MEI4: variants seen among roughly 807,000 people sequenced by gnomAD.
The protein encoded by MEI4 is meiosis-specific protein MEI4.
A neutral mutation model predicts 31.4 loss-of-function variants in MEI4; 27 were observed. The observed-to-expected ratio is 0.86, with a 90% CI of 0.63 to 1.19. The LOEUF (loss-of-function observed/expected upper bound fraction) is 1.19, where lower values mean the gene tolerates loss of function less well. Ranked by LOEUF, MEI4 falls within the 50% of genes most tolerant of loss-of-function variation. The pLI, the probability that MEI4 is intolerant of heterozygous loss-of-function variation, is 0.00. For missense variants in MEI4, 329 were observed against 398.9 expected (o/e 0.82, Z 1.49); for synonymous variants, 122 against 145.4 (o/e 0.84, Z 1.16).
At chr6:77,841,333 ATTTTTT>A (rs1239589008) in intron 4 of MEI4, among the ~76,000 whole-genome samples, 4 of 27,748 alleles carry the variant, frequency 1.4e-4, no homozygotes, top group Non-Finnish European at 2.1e-4. Context: ...ATATATATAT[ATTTTTT>A]TTTTTTTTTT....
At chr6:77,736,294 G>T (rs181187049) in intron 2 of MEI4, among the ~76,000 whole-genome samples, 8 of 152,088 alleles carry the variant, frequency 5.3e-5, no homozygotes, top group Admixed American at 4.6e-4. Flanking sequence ...AAGACTCCGT[G>T]GGCGTATTAC....
chr6:77,895,540 T>C (rs745387171), intron 4 of MEI4, among the ~76,000 whole-genome samples: 4 of 152,196 alleles, frequency 2.6e-5, no homozygotes, highest in Non-Finnish European at 2.9e-5. Flanking sequence ...ATGGTTCAGC[T>C]CATTTCCTGC....
At chr6:77,786,562 T>G (rs1165196775) in intron 3 of MEI4, among the ~76,000 whole-genome samples, 1 of 152,002 alleles carries the variant, frequency 6.6e-6, no homozygotes, top group Non-Finnish European at 1.5e-5. Flanking sequence ...TGCTAGGAAA[T>G]GTAATAAGAC....
chr6:77,817,778 A>G (rs1769722363), intron 3 of MEI4, among the ~76,000 whole-genome samples: 1 of 152,068 alleles, frequency 6.6e-6, no homozygotes, highest in Non-Finnish European at 1.5e-5. Flanking sequence ...TTCCATATAT[A>G]GGACTGAGTA....
chr6:77,922,789 A>T (rs1027005320), intron 4 of MEI4, among the ~76,000 whole-genome samples: 2 of 151,702 alleles, frequency 1.3e-5, no homozygotes, highest in Non-Finnish European at 1.5e-5. Flanking sequence ...TTGCCAAGTC[A>T]CTGTTAAGAC....
chr6:77,661,507 C>A (rs1416298493), intron 1 of MEI4, among the ~76,000 whole-genome samples: 3 of 152,254 alleles, frequency 2.0e-5, no homozygotes, highest in African/African-American at 7.2e-5. Flanking sequence ...TAAAGTCAAT[C>A]TGCCAGTCCT....
intron 2 of MEI4, among the ~76,000 whole-genome samples, chr6:77,706,484 T>C (rs1190276639): frequency 6.6e-6 from 1 of 152,244 alleles, no homozygotes; most frequent in Non-Finnish European, 1.5e-5. Context: ...TATGAATCTT[T>C]GGGTTGTCAA....
intron 2 of MEI4, among the ~76,000 whole-genome samples, chr6:77,691,258 T>C (rs1169652177): frequency 1.3e-5 from 2 of 152,040 alleles, no homozygotes; most frequent in African/African-American, 2.4e-5. Flanking sequence ...CAGCCAGGCA[T>C]GTGTGGGTGG....
intron 4 of MEI4, among the ~76,000 whole-genome samples, chr6:77,917,336 G>T (rs1302653087): frequency 4.7e-5 from 7 of 149,994 alleles, no homozygotes; most frequent in African/African-American, 1.2e-4. Flanking sequence ...GATCCCTGAG[G>T]AATCGCCACA....
At chr6:77,745,347 C>G (rs1767564105) in intron 2 of MEI4, among the ~76,000 whole-genome samples, 1 of 152,032 alleles carries the variant, frequency 6.6e-6, no homozygotes, top group Admixed American at 6.6e-5. Flanking sequence ...AGACTTTAAA[C>G]CAACAAAGAT....
intron 2 of MEI4, among the ~76,000 whole-genome samples, chr6:77,710,538 AAAAAG>A (rs1441020654): frequency 9.4e-5 from 14 of 149,392 alleles, no homozygotes; most frequent in African/African-American, 3.4e-4. Flanking sequence ...AAAAAAAAAA[AAAAAG>A]AAAAGGTAAA....
chr6:77,765,830 A>G (rs1768160521), intron 3 of MEI4, among the ~76,000 whole-genome samples: 1 of 152,190 alleles, frequency 6.6e-6, no homozygotes, highest in Non-Finnish European at 1.5e-5. Context: ...AATGTGGCAC[A>G]TATATACCAT....
At chr6:77,746,218 C>G (rs1466453285) in intron 2 of MEI4, among the ~76,000 whole-genome samples, 2 of 152,132 alleles carry the variant, frequency 1.3e-5, no homozygotes, top group Admixed American at 6.5e-5. Context: ...AATTGATAGA[C>G]CGCTAGCAAG....
intron 1 of MEI4, among the ~76,000 whole-genome samples, chr6:77,653,888 G>C (rs2127640087): frequency 6.6e-6 from 1 of 152,328 alleles, no homozygotes; most frequent in African/African-American, 2.4e-5. Context: ...TTCAGTATAA[G>C]TGACAGTATG....
intron 1 of MEI4, among the ~76,000 whole-genome samples, chr6:77,689,511 T>G (rs9359282): frequency 0.13 from 20,514 of 151,996 alleles, 1,471 homozygotes; most frequent in Middle Eastern, 0.2. Flanking sequence ...CACATCGCTG[T>G]GGGTGGGAAT....
chr6:77,703,345 T>C (rs1419744069), intron 2 of MEI4, among the ~76,000 whole-genome samples: 1 of 152,154 alleles, frequency 6.6e-6, no homozygotes, highest in Non-Finnish European at 1.5e-5. Context: ...GTATTAGAGC[T>C]CCTGACTCTA....
chr6:77,682,341 T>G (rs1768974128), intron 1 of MEI4, among the ~76,000 whole-genome samples: 1 of 152,232 alleles, frequency 6.6e-6, no homozygotes, highest in Admixed American at 6.5e-5. Flanking sequence ...CCCTTATAGC[T>G]TACCCTCTGA....
intron 4 of MEI4, among the ~76,000 whole-genome samples, chr6:77,868,226 T>TA (rs999800515): frequency 4.6e-5 from 5 of 108,606 alleles, no homozygotes; most frequent in Non-Finnish European, 8.6e-5. Flanking sequence ...AAAAAAAAAT[T>TA]AAAAAAAATT....
At chr6:77,857,761 G>T (rs1313337123) in intron 4 of MEI4, among the ~76,000 whole-genome samples, 1 of 152,142 alleles carries the variant, frequency 6.6e-6, no homozygotes, top group Non-Finnish European at 1.5e-5. Flanking sequence ...GCTACATGAA[G>T]TTACCTCCCA....
Sources: gnomAD v4.1 joint callset for allele counts (sites outside exome capture counted in the v4.1 genomes callset) on GRCh38, gnomAD v4.1.1 for gene constraint, MANE v1.5 for transcripts, NCBI Gene and HGNC (gene_info 2026-07-23, HGNC 2026-07-21) for gene names.